Variants in MDFIC2 observed in about 807,000 individuals in gnomAD.
MDFIC2 encodes the protein myoD family inhibitor domain-containing protein 2.
At chr3:70,289,691 G>A (rs947555079) in intron 2 of MDFIC2, among the ~76,000 whole-genome samples, 3 of 152,016 alleles carry the variant, frequency 2.0e-5, no homozygotes, top group African/African-American at 4.8e-5. Context: ...TCACTTTCAG[G>A]TACACCAATC....
intron 2 of MDFIC2, among the ~76,000 whole-genome samples, chr3:70,298,573 T>C (rs1476294346): frequency 2.0e-5 from 3 of 152,158 alleles, no homozygotes; most frequent in African/African-American, 4.8e-5. Flanking sequence ...TGAATCTTCA[T>C]CTAATTTCAT....
At chr3:70,235,624 T>G (rs1269761017) in intron 2 of MDFIC2, among the ~76,000 whole-genome samples, 1 of 152,194 alleles carries the variant, frequency 6.6e-6, no homozygotes, top group Non-Finnish European at 1.5e-5. Flanking sequence ...GTTTTTCTCC[T>G]CTTTTAGAGG....
chr3:70,258,201 G>T lies in MDFIC2; in HGVS notation c.89-51411C>A, dbSNP rs193217977. On this transcript the variant is annotated intron_variant, in intron 2 of 3. Coordinates refer to ENST00000567252, the MANE Select transcript of MDFIC2 (RefSeq NM_001364677.1). ...TCATGTTCTAGAATAAAATATAGGA[G>T]AAAATATTTGCAACTTTGAGCAATA... 4.2e-3 allele frequency among the ~76,000 whole-genome samples: 641 copies of T among 152,122 alleles called. 1 individual carries two copies. Among genetic ancestry groups the T allele is most frequent in the Non-Finnish European group, 6.3e-3 (429 of 67,980 alleles).
intron 3 of MDFIC2, among the ~76,000 whole-genome samples, chr3:70,201,576 G>T (rs960203523): frequency 6.6e-6 from 1 of 152,160 alleles, no homozygotes; most frequent in Non-Finnish European, 1.5e-5. Flanking sequence ...TATGGATGAG[G>T]AAACTGAGGC....
At chr3:70,265,997 T>C (rs1043282020) in intron 2 of MDFIC2, among the ~76,000 whole-genome samples, 1 of 152,162 alleles carries the variant, frequency 6.6e-6, no homozygotes, top group Non-Finnish European at 1.5e-5. Context: ...ACATGAGATT[T>C]AGGTTGAGAC....
chr3:70,239,433 C>T (rs1454137000), intron 2 of MDFIC2, among the ~76,000 whole-genome samples: 1 of 152,096 alleles, frequency 6.6e-6, no homozygotes, highest in Non-Finnish European at 1.5e-5. Flanking sequence ...TGACTCTGTT[C>T]CCAAAGAGAA....
intron 2 of MDFIC2, among the ~76,000 whole-genome samples, chr3:70,262,381 C>T (rs1447792170): frequency 2.0e-5 from 3 of 152,076 alleles, no homozygotes; most frequent in African/African-American, 4.8e-5. Context: ...AAAAATATAA[C>T]GGACAATAAC....
intron 2 of MDFIC2, among the ~76,000 whole-genome samples, chr3:70,251,642 T>C (rs796092081): frequency 1.3e-5 from 2 of 152,348 alleles, no homozygotes; most frequent in African/African-American, 4.8e-5. Flanking sequence ...ATTTAGGTTC[T>C]GCTTTTGCAT....
At chr3:70,304,405 T>C (rs1702380494) in intron 2 of MDFIC2, among the ~76,000 whole-genome samples, 1 of 152,188 alleles carries the variant, frequency 6.6e-6, no homozygotes, top group South Asian at 2.1e-4. Context: ...TATTGCCCAG[T>C]TGACAGTTTC....
At chr3:70,225,484 C>A (rs907060714) in intron 2 of MDFIC2, among the ~76,000 whole-genome samples, 1 of 152,184 alleles carries the variant, frequency 6.6e-6, no homozygotes, top group South Asian at 2.1e-4. Flanking sequence ...ACCTCCCACT[C>A]TTTTGTTCAT....
chr3:70,283,268 T>A (rs1702106763), intron 2 of MDFIC2, among the ~76,000 whole-genome samples: 1 of 152,052 alleles, frequency 6.6e-6, no homozygotes, highest in South Asian at 2.1e-4. Flanking sequence ...TGCAGTCCTC[T>A]GATTGATTGC....
chr3:70,257,994 T>A (rs1473774011), intron 2 of MDFIC2, among the ~76,000 whole-genome samples: 1 of 152,184 alleles, frequency 6.6e-6, no homozygotes, highest in East Asian at 1.9e-4. Flanking sequence ...GTCAATTGAT[T>A]TTTGACAAAG....
chr3:70,209,530 C>G lies in MDFIC2; in HGVS notation c.89-2740G>C, dbSNP rs948819347. ...GATGGGAAATGTATGAATGGGTATC[C>G]CCAGTTAGCAGATGAATGAAGGTAA... is the stretch of plus-strand genomic sequence containing the variant. On this transcript the variant is annotated intron_variant, in intron 2 of 3. Coordinates refer to ENST00000567252, the MANE Select transcript of MDFIC2 (RefSeq NM_001364677.1). Among the ~76,000 whole-genome samples, 10 of 152,004 alleles carry G rather than the reference C, an allele frequency of 6.6e-5. No individual in the cohort carries two copies. In the East Asian group the frequency reaches 1.9e-3, roughly 29 times the overall value.
rs181544316 is a variant in MDFIC2, at chr3:70,290,933, G to T, written c.88+20953C>A. On this transcript the variant is annotated intron_variant, in intron 2 of 3. Transcript: ENST00000567252. ...CTGCTTCGGATGGCGCACGGTGCGC[G>T]CACCCACTGACCTGAGCCCACTGTC... is the stretch of plus-strand genomic sequence containing the variant. Among the ~76,000 whole-genome samples the T allele has an allele frequency of 2.8e-3, 429 of 152,186 alleles. 1 individual carries two copies. Among genetic ancestry groups the T allele is most frequent in the African/African-American group, 9.8e-3 (406 of 41,544 alleles).
chr3:70,276,373 A>T (rs1251417686), intron 2 of MDFIC2, among the ~76,000 whole-genome samples: 1 of 152,220 alleles, frequency 6.6e-6, no homozygotes, highest in Non-Finnish European at 1.5e-5. Context: ...CTGGAAATGT[A>T]TGTTAATTCT....
intron 3 of MDFIC2, among the ~76,000 whole-genome samples, chr3:70,201,933 C>T (rs963299913): frequency 1.1e-4 from 17 of 152,202 alleles, no homozygotes; most frequent in Non-Finnish European, 2.1e-4. Flanking sequence ...GGTGCTTCTC[C>T]TCCTGCTCTT....
chr3:70,253,620 G>C (rs1418218702), intron 2 of MDFIC2, among the ~76,000 whole-genome samples: 1 of 152,180 alleles, frequency 6.6e-6, no homozygotes, highest in Non-Finnish European at 1.5e-5. Flanking sequence ...CTAGTCAAGA[G>C]GCTAAGGCAG....
intron 2 of MDFIC2, among the ~76,000 whole-genome samples, chr3:70,227,008 C>T (rs1315128047): frequency 1.3e-5 from 2 of 151,882 alleles, no homozygotes; most frequent in Non-Finnish European, 2.9e-5. Context: ...GGATGGACCT[C>T]GAAAAAATAC....
chr3:70,251,180 T>C (rs1348018383), intron 2 of MDFIC2, among the ~76,000 whole-genome samples: 1 of 152,196 alleles, frequency 6.6e-6, no homozygotes, highest in African/African-American at 2.4e-5. Context: ...GCCCACATCT[T>C]TGGAGACAGA....
Sources: allele counts gnomAD v4.1 joint callset (sites outside exome capture counted in the v4.1 genomes callset), GRCh38; gene constraint gnomAD v4.1.1; transcripts MANE v1.5; gene names NCBI Gene and HGNC (gene_info 2026-07-23, HGNC 2026-07-21).